MCUB: variants seen among roughly 807,000 people sequenced by gnomAD.
MCUB encodes the protein calcium uniporter regulatory subunit MCUb, mitochondrial.
In MCUB, 46 loss-of-function variants were observed where a neutral mutation model predicts 41.4. The observed-to-expected ratio is 1.11, with a 90% CI of 0.88 to 1.42. The LOEUF (loss-of-function observed/expected upper bound fraction) is 1.42, where lower values mean the gene tolerates loss of function less well. Among genes scored for constraint, MCUB ranks in the 40% most tolerant of loss-of-function variants. The pLI is 0.00. For missense variants in MCUB, 403 were observed against 404.9 expected (o/e 1.00, Z 0.04); for synonymous variants, 148 against 148.2 (o/e 1.00, Z 0.01).
Position 109,687,874 on chromosome 4 carries a change from G to A in MCUB, c.*282G>A. ...CCACGTTTATTCTCTATGTGGAGGTGAAAGGGTCTGTGCTTGGCATTCACT... is the reference window on the plus strand; with the variant it reads ...CCACGTTTATTCTCTATGTGGAGGTAAAAGGGTCTGTGCTTGGCATTCACT... On this transcript the variant is annotated 3_prime_UTR_variant, in exon 8 of 8. Coordinates refer to ENST00000394650, the MANE Select transcript of MCUB (RefSeq NM_017918.5). The A allele has an allele frequency of 2.8e-6, 1 of 361,964 alleles. No homozygotes were observed. The allele number at this position is 361,964 out of a possible 1,614,324, so 22.4% of individuals were successfully genotyped here.
chr4:109,586,477 G>A (rs1579051487), intron 1 of MCUB, among the ~76,000 whole-genome samples: 1 of 152,074 alleles, frequency 6.6e-6, no homozygotes, highest in Admixed American at 6.6e-5. Flanking sequence ...GTCATTCTCC[G>A]TCCAGCTTTG....
At chr4:109,566,422 A>T (rs113111842) in intron 1 of MCUB, among the ~76,000 whole-genome samples, 11,992 of 150,968 alleles carry the variant, frequency 0.079, 1,417 homozygotes, top group African/African-American at 0.26. Context: ...GTGAGCCGAG[A>T]TCGCGCCACT....
chr4:109,684,332 G>A, intron 5 of MCUB, 111 bp from the exon 6 acceptor site: 1 of 755,972 alleles, frequency 1.3e-6, no homozygotes, highest in South Asian at 1.9e-5. Context: ...AGAGTGCTGA[G>A]ATTACAGGCG....
intron 1 of MCUB, among the ~76,000 whole-genome samples, chr4:109,573,219 G>A (rs768259411): frequency 1.4e-4 from 22 of 152,068 alleles, no homozygotes; most frequent in Non-Finnish European, 2.9e-4. Context: ...TTGGGAGGCC[G>A]AGGTGGGCAG....
At chr4:109,648,692 T>C in intron 1 of MCUB, 1 of 352,070 alleles carries the variant, frequency 2.8e-6, no homozygotes, top group Non-Finnish European at 5.2e-6. Flanking sequence ...TATAGCAGTT[T>C]GATTTTTTTT....
chr4:109,650,583 T>G (rs968368247), intron 1 of MCUB, among the ~76,000 whole-genome samples: 4 of 152,200 alleles, frequency 2.6e-5, no homozygotes, highest in Non-Finnish European at 5.9e-5. Context: ...CTATTTTGTT[T>G]CTGAACTATT....
chr4:109,684,094 G>A (rs1297024235), intron 5 of MCUB, among the ~76,000 whole-genome samples: 3 of 141,810 alleles, frequency 2.1e-5, no homozygotes, highest in Non-Finnish European at 4.5e-5. Flanking sequence ...GCAGAGTCTT[G>A]CACTGTCGCC....
rs1344594575 is a variant in MCUB, at chr4:109,687,634, G to A, written c.*42G>A. On this transcript the variant is annotated 3_prime_UTR_variant, in exon 8 of 8. Transcript: ENST00000394650. The stretch of plus-strand genomic sequence containing the variant: ...GTCGTCAGATTTTCCATTATGTATT[G>A]ATTTTGCAACTTAGGATGTTTTTGA... The A allele has an allele frequency of 1.5e-6, 2 of 1,331,094 alleles. No individual in the cohort carries two copies. Among genetic ancestry groups the A allele is most frequent in the African/African-American group, 2.9e-5 (2 of 68,478 alleles). 82.5% of individuals were successfully genotyped at this position (1,331,094 alleles called of 1,614,324 possible). A position where few individuals can be genotyped will look rare whatever the true frequency, so the allele number is the denominator to read the frequency against.
intron 1 of MCUB, among the ~76,000 whole-genome samples, chr4:109,620,646 G>A (rs1728232096): frequency 6.6e-6 from 1 of 151,620 alleles, no homozygotes; most frequent in Non-Finnish European, 1.5e-5. Context: ...TGATCCTATG[G>A]CAATAATTTT....
chr4:109,679,787 T>TTTGTTGTTGTTGTTGTTGTTG (rs377253519), intron 4 of MCUB, among the ~76,000 whole-genome samples: 45 of 151,672 alleles, frequency 3.0e-4, no homozygotes, highest in African/African-American at 1.0e-3. Flanking sequence ...GAGGTATAAT[T>TTTGTTGTTGTTGTTGTTGTTG]TTGTTGTTGT....
chr4:109,586,699 A>G (rs1473236452), intron 1 of MCUB, among the ~76,000 whole-genome samples: 1 of 152,100 alleles, frequency 6.6e-6, no homozygotes, highest in Non-Finnish European at 1.5e-5. Flanking sequence ...TTTTCCTTCT[A>G]ACAGTCAGGT....
Position 109,588,400 on chromosome 4 carries a change from G to T in MCUB, c.99+27964G>T, listed in dbSNP as rs1462502608. Among the ~76,000 whole-genome samples the T allele has an allele frequency of 5.3e-5, 8 of 152,174 alleles. 1 individual carries two copies. The East Asian group carries it at 1.5e-3, about 29-fold the overall frequency. The stretch of plus-strand genomic sequence containing the variant: ...AGAAATTGCTGTGTGACTGCAGTGA[G>T]AATGAGCTCGGTATTTGAGTCACTG... On this transcript the variant is annotated intron_variant, in intron 1 of 7. Coordinates refer to ENST00000394650, the MANE Select transcript of MCUB (RefSeq NM_017918.5).
chr4:109,591,360 A>C (rs1727433945), intron 1 of MCUB, among the ~76,000 whole-genome samples: 1 of 151,616 alleles, frequency 6.6e-6, no homozygotes, highest in Non-Finnish European at 1.5e-5. Context: ...TAATTTTTGT[A>C]TTTTTAGTAG....
chr4:109,623,085 C>T (rs536827281), intron 1 of MCUB, among the ~76,000 whole-genome samples: 9 of 152,262 alleles, frequency 5.9e-5, no homozygotes, highest in African/African-American at 1.7e-4. Flanking sequence ...TGCATGAAGA[C>T]GGCAAGGGAT....
intron 4 of MCUB, chr4:109,673,825 A>T: frequency 1.4e-6 from 1 of 722,398 alleles, no homozygotes; most frequent in South Asian, 1.6e-5. Flanking sequence ...CTCTAGGGAG[A>T]TTCTTCAAGC....
chr4:109,598,995 C>A (rs781160358), intron 1 of MCUB, among the ~76,000 whole-genome samples: 7 of 152,220 alleles, frequency 4.6e-5, no homozygotes, highest in Non-Finnish European at 1.0e-4. Context: ...TAAATTTTGA[C>A]TTTTGGATGA....
chr4:109,602,438 A>G (rs1727766449), intron 1 of MCUB, among the ~76,000 whole-genome samples: 1 of 152,232 alleles, frequency 6.6e-6, no homozygotes, highest in South Asian at 2.1e-4. Context: ...ATAAATATCC[A>G]GTTTCCCTGG....
At position 109,638,572 on chromosome 4, in the gene MCUB, G is replaced by GGA. The variant is rs1264252035; in HGVS notation, c.100-20437_100-20436dup. Among the ~76,000 whole-genome samples, 3 of 152,196 alleles carry GGA rather than the reference G, an allele frequency of 2.0e-5. No homozygotes were observed. The South Asian group carries it at 6.2e-4, about 32-fold the overall frequency. On this transcript the variant is annotated intron_variant, in intron 1 of 7. Coordinates refer to ENST00000394650, the MANE Select transcript of MCUB (RefSeq NM_017918.5). The stretch of plus-strand genomic sequence containing the variant: ...ATCAGGATGGTGGTTGCTGAAGGTT[G>GGA]GAGTGGCTGTGGCAATTCCTTAAAA...
chr4:109,613,005 C>T (rs953741690), intron 1 of MCUB, among the ~76,000 whole-genome samples: 1 of 151,926 alleles, frequency 6.6e-6, no homozygotes, highest in Admixed American at 6.6e-5. Flanking sequence ...ACTCGCGAGG[C>T]TGAAGCAGGA....
Sources: gnomAD v4.1 joint callset for allele counts (sites outside exome capture counted in the v4.1 genomes callset) on GRCh38, gnomAD v4.1.1 for gene constraint, MANE v1.5 for transcripts, NCBI Gene and HGNC (gene_info 2026-07-23, HGNC 2026-07-21) for gene names.